Variants in MAP3K8 observed in about 807,000 individuals in gnomAD.
MAP3K8 encodes the protein Ewing sarcoma transformant.
Under a neutral mutation model 45.8 loss-of-function variants are expected in MAP3K8, and 22 were observed. That is an observed-to-expected ratio of 0.48 (90% CI 0.34 to 0.69). The LOEUF (loss-of-function observed/expected upper bound fraction) is 0.69. MAP3K8 is among the 30% of genes least tolerant of loss of function. The pLI is 0.01. For missense variants in MAP3K8, 419 were observed against 585.0 expected, an observed-to-expected ratio of 0.72 and a Z score of 2.93; for synonymous variants, 223 against 214.3, an observed-to-expected ratio of 1.04 and a Z score of -0.36.
At chr10:30,456,174 C>A (rs1300326801) in intron 6 of MAP3K8, among the ~76,000 whole-genome samples, 1 of 152,184 alleles carries the variant, frequency 6.6e-6, no homozygotes, top group East Asian at 1.9e-4. Context: ...ATACCCATTG[C>A]ATTTCTTTTT....
At chr10:30,458,268 C>CGGGGGGGGGGGG (rs9299646) in intron 7 of MAP3K8, 32 bp downstream of exon 7, 191 of 443,036 alleles carry the variant, frequency 4.3e-4, no homozygotes, top group Non-Finnish European at 5.8e-4. Flanking sequence ...CTGGGGGCGG[C>CGGGGGGGGGGGG]GGGGGGGGGC....
Position 30,439,181 on chromosome 10 carries a change from G to A in MAP3K8, c.243G>A (p.Val81=), listed in dbSNP as rs145696701. 34 of 1,614,066 alleles carry A rather than the reference G, an allele frequency of 2.1e-5. No individual in the cohort carries two copies. Among genetic ancestry groups the A allele is most frequent in the Non-Finnish European group, 2.7e-5 (32 of 1,180,044 alleles). The change falls in exon 3 of 9, where the codon GTG becomes GTA. Residue 81 remains valine, a synonymous_variant. Coordinates refer to ENST00000263056, the MANE Select transcript of MAP3K8 (RefSeq NM_005204.4). ...TGTCATCAGTCAGATATGGAACTGT[G>A]GAGGATTTGCTTGCTTTTGCAAACC... is the stretch of plus-strand genomic sequence containing the variant. The part of the protein sequence containing the change: ...PWLSSVRYGT[V]EDLLAFANHI...
In MAP3K8 at chr10:30,458,354, G is replaced by A. The variant is rs8177027; in HGVS notation, c.1026+118G>A. 1,992 of 591,246 alleles carry A rather than the reference G, an allele frequency of 3.4e-3. 34 individuals carry two copies. The highest frequency in any genetic ancestry group is 0.033 in the African/African-American group (1,723 of 52,310). The allele number at this position is 591,246 out of a possible 1,614,324, so 36.6% of individuals were successfully genotyped here. On this transcript the variant is annotated intron_variant, in intron 7 of 8. Transcript: ENST00000263056. Reference sequence around the variant, plus strand: ...CCACCCCCATCTGAATGAGGCAATGGTGAAATGACAGGTAGCTACAAGTTC... The same window carrying A: ...CCACCCCCATCTGAATGAGGCAATGATGAAATGACAGGTAGCTACAAGTTC...
intron 7 of MAP3K8, 152 bp from the exon 8 acceptor site, chr10:30,459,103 A>G (rs1156510653): frequency 1.3e-6 from 1 of 760,860 alleles, no homozygotes; most frequent in Non-Finnish European, 2.1e-6. Context: ...AAGAAATTAA[A>G]GGGAAGCTTG....
At chr10:30,458,678 G>T (rs1836831692) in intron 7 of MAP3K8, among the ~76,000 whole-genome samples, 1 of 152,198 alleles carries the variant, frequency 6.6e-6, no homozygotes, top group South Asian at 2.1e-4. Flanking sequence ...TTACTGCACA[G>T]TGACTTTTGG....
rs767829783 is a variant in MAP3K8, at chr10:30,447,798, A to G, written c.353A>G (p.Asn118Ser). ...TTGTTGTAGGTCATCACTCCCCAAAATGGACGTTACCAAATAGATTCCGAT... is the reference window on the plus strand; with the variant it reads ...TTGTTGTAGGTCATCACTCCCCAAAGTGGACGTTACCAAATAGATTCCGAT... Reference protein sequence around the residue: ...ILLNMVITPQNGRYQIDSDVL... With the variant: ...ILLNMVITPQSGRYQIDSDVL... The change falls in exon 4 of 9, where the codon AAT becomes AGT. Residue 118 changes from asparagine (N) to serine (S), a missense_variant. Physicochemically the swap from Asn to Ser is conservative, Grantham distance 46. Around this residue, in one of 3 missense-constraint regions of MAP3K8, gnomAD observed 209 missense variants for 367.3 expected, o/e 0.57. Coordinates refer to ENST00000263056, the MANE Select transcript of MAP3K8 (RefSeq NM_005204.4). 1 of 1,613,814 alleles carries G rather than the reference A, an allele frequency of 6.2e-7. No individual in the cohort carries two copies. Among genetic ancestry groups the G allele is most frequent in the South Asian group, 1.1e-5 (1 of 90,982 alleles).
chr10:30,437,150 T>TC lies in MAP3K8; in HGVS notation c.-254-26_-254-25insC, dbSNP rs1189242359. 1.3e-5 allele frequency: 13 copies of TC among 985,104 alleles called. No individual in the cohort carries two copies. The Admixed American group carries it at 2.5e-4, about 19-fold the overall frequency. 61.0% of individuals were successfully genotyped at this position (985,104 alleles called of 1,614,324 possible). Reference sequence around the variant, plus strand: ...CATTTCATAGGTTTCTGCCTTTTTTTTCTCTCTCTTTATGTCTTGTTTTAG... The same window carrying TC: ...CATTTCATAGGTTTCTGCCTTTTTTTCTCTCTCTCTTTATGTCTTGTTTTAG... On this transcript the variant is annotated intron_variant, in intron 1 of 8. Transcript: ENST00000263056.
chr10:30,439,915 G>T (rs1413644351), intron 3 of MAP3K8, among the ~76,000 whole-genome samples: 1 of 152,212 alleles, frequency 6.6e-6, no homozygotes, highest in African/African-American at 2.4e-5. Context: ...TCTGAGAGGG[G>T]AATAAACACT....
intron 1 of MAP3K8, 143 bp from the exon 2 acceptor site, chr10:30,437,033 A>G: frequency 4.0e-6 from 1 of 251,158 alleles, no homozygotes; most frequent in Non-Finnish European, 6.3e-6. Flanking sequence ...CAAGAACCTG[A>G]ATCACAATCT....
chr10:30,453,876 A>G (rs1054953944), intron 6 of MAP3K8, among the ~76,000 whole-genome samples: 14 of 146,624 alleles, frequency 9.5e-5, no homozygotes, highest in African/African-American at 3.6e-4. Flanking sequence ...CTTTTGAAAA[A>G]AAAAAAGAAA....
chr10:30,441,010 G>T (rs1296086384), intron 3 of MAP3K8, among the ~76,000 whole-genome samples: 1 of 152,130 alleles, frequency 6.6e-6, no homozygotes, highest in Admixed American at 6.6e-5. Flanking sequence ...TTAGGAATGG[G>T]ACCAGAAAAG....
chr10:30,450,651 C>A, intron 5 of MAP3K8, 132 bp downstream of exon 5: 1 of 717,070 alleles, frequency 1.4e-6, no homozygotes, highest in Non-Finnish European at 2.4e-6. Flanking sequence ...GTCCGTCTTC[C>A]TTCTCCAGAG....
In MAP3K8 at chr10:30,461,055, G is replaced by A. The variant is rs1020143600; in HGVS notation, c.*219G>A. 2.0e-5 allele frequency: 9 copies of A among 445,044 alleles called. No homozygotes were observed. In the Admixed American group the frequency reaches 2.9e-4, roughly 14 times the overall value. The allele number at this position is 445,044 out of a possible 1,614,324, so 27.6% of individuals were successfully genotyped here. On this transcript the variant is annotated 3_prime_UTR_variant, in exon 9 of 9. Transcript: ENST00000263056. The stretch of plus-strand genomic sequence containing the variant: ...TCAAGGTTCTCATTTCTCAGGTGAC[G>A]TGATTCTAAGGCAGGAATTTGAGAG...
chr10:30,447,980 T>G, intron 4 of MAP3K8, 31 bp downstream of exon 4: 1 of 1,567,604 alleles, frequency 6.4e-7, no homozygotes, highest in South Asian at 1.2e-5. Flanking sequence ...TAACCCACAC[T>G]GTGTGTTTGG....
In MAP3K8 at chr10:30,456,243, T is replaced by G. The variant is rs147930317; in HGVS notation, c.874-1841T>G. On this transcript the variant is annotated intron_variant, in intron 6 of 8. Coordinates refer to ENST00000263056, the MANE Select transcript of MAP3K8 (RefSeq NM_005204.4). ...ATGAACTCTACCCTCTCAACACATTTTTAAGTATACAATACACTATTGTTG... is the reference window on the plus strand; with the variant it reads ...ATGAACTCTACCCTCTCAACACATTGTTAAGTATACAATACACTATTGTTG... Among the ~76,000 whole-genome samples, 369 of 152,344 alleles carry G rather than the reference T, an allele frequency of 2.4e-3. 4 individuals carry two copies. Among genetic ancestry groups the G allele is most frequent in the African/African-American group, 8.3e-3 (345 of 41,582 alleles).
intron 6 of MAP3K8, among the ~76,000 whole-genome samples, chr10:30,454,278 T>TA (rs1334779020): frequency 6.6e-6 from 1 of 152,188 alleles, no homozygotes; most frequent in Non-Finnish European, 1.5e-5. Flanking sequence ...GTCTAGCTAG[T>TA]ATACGTGTTG....
chr10:30,454,542 G>A (rs1836671012), intron 6 of MAP3K8, among the ~76,000 whole-genome samples: 1 of 143,946 alleles, frequency 6.9e-6, no homozygotes, highest in Admixed American at 7.4e-5. Context: ...CCATAGCCTG[G>A]AAAATAGAAC....
At chr10:30,450,559 A>T in intron 5 of MAP3K8, 40 bp downstream of exon 5, 1 of 1,597,586 alleles carries the variant, frequency 6.3e-7, no homozygotes, top group Non-Finnish European at 8.6e-7. Flanking sequence ...GCTCAAAGAG[A>T]CTAGTTATTC....
chr10:30,435,275 A>G (rs1416172456), intron 1 of MAP3K8, among the ~76,000 whole-genome samples: 1 of 152,178 alleles, frequency 6.6e-6, no homozygotes, highest in East Asian at 1.9e-4. Context: ...CGTTTGTGCC[A>G]AGGAGAGTGT....
Sources: allele counts gnomAD v4.1 joint callset (sites outside exome capture counted in the v4.1 genomes callset), GRCh38; gene constraint gnomAD v4.1.1; regional missense constraint gnomAD v4.1.1; transcripts MANE v1.5; gene names NCBI Gene and HGNC (gene_info 2026-07-23, HGNC 2026-07-21).